Variants in MAGI2 observed in about 807,000 individuals in gnomAD.
The protein encoded by MAGI2 is membrane associated guanylate kinase, WW and PDZ domain containing 2.
In MAGI2, 35 loss-of-function variants were observed where a neutral mutation model predicts 133.3. The ratio of observed to expected loss-of-function variants is 0.26; its 90% CI spans 0.20 to 0.35. The LOEUF is 0.35. Ranked by LOEUF, MAGI2 falls within the 10% of genes least tolerant of loss-of-function variation. The pLI is 1.00. For synonymous variants in MAGI2, 729 were observed against 710.6 expected (o/e 1.03, Z -0.41); for missense variants, 1,636 against 1,863.4 (o/e 0.88, Z 2.25).
At chr7:78,882,104 A>AAAAAAAAAAAAAAG (rs1795913396) in intron 2 of MAGI2, among the ~76,000 whole-genome samples, 1 of 126,540 alleles carries the variant, frequency 7.9e-6, no homozygotes, top group Non-Finnish European at 1.7e-5. Context: ...AAAAAAAAAA[A>AAAAAAAAAAAAAAG]AAAAGAAAAG....
chr7:78,616,552 G>T (rs1027399401), intron 3 of MAGI2: 3 of 151,580 alleles, frequency 2.0e-5, no homozygotes, highest in Non-Finnish European at 4.4e-5. Flanking sequence ...CACACTATGG[G>T]AATGGCCATA....
chr7:78,468,253 A>G (rs1255835423), intron 6 of MAGI2, among the ~76,000 whole-genome samples: 1 of 152,154 alleles, frequency 6.6e-6, no homozygotes, highest in Non-Finnish European at 1.5e-5. Context: ...CCTGACACAT[A>G]GTAGAGAAAT....
chr7:79,045,224 G>A (rs1812064229), intron 1 of MAGI2, among the ~76,000 whole-genome samples: 1 of 152,176 alleles, frequency 6.6e-6, no homozygotes, highest in Non-Finnish European at 1.5e-5. Flanking sequence ...GGGTGAGGAT[G>A]AGGTTTTCCT....
chr7:79,028,549 T>C (rs1479254630), intron 1 of MAGI2, among the ~76,000 whole-genome samples: 3 of 151,898 alleles, frequency 2.0e-5, no homozygotes, highest in Non-Finnish European at 4.4e-5. Context: ...CTTACCTTTA[T>C]ACAGAACGTT....
intron 1 of MAGI2, among the ~76,000 whole-genome samples, chr7:79,033,438 C>T (rs1490479758): frequency 2.0e-5 from 3 of 152,142 alleles, no homozygotes; most frequent in African/African-American, 4.8e-5. Context: ...TCAGAATAAA[C>T]ATTTTATATG....
At chr7:78,831,276 T>A (rs891744293) in intron 2 of MAGI2, among the ~76,000 whole-genome samples, 11 of 152,216 alleles carry the variant, frequency 7.2e-5, no homozygotes, top group African/African-American at 2.4e-4. Flanking sequence ...GATTTCCACA[T>A]ACTATTGGTC....
chr7:78,021,511 T>C (rs1433152205), intron 21 of MAGI2, among the ~76,000 whole-genome samples: 1 of 152,236 alleles, frequency 6.6e-6, no homozygotes, highest in African/African-American at 2.4e-5. Context: ...GTTTGAAACT[T>C]GAGGGTTCTT....
chr7:78,209,567 T>C (rs1787566366), intron 10 of MAGI2, among the ~76,000 whole-genome samples: 1 of 152,020 alleles, frequency 6.6e-6, no homozygotes, highest in South Asian at 2.1e-4. Context: ...GGCCTGAAAG[T>C]CATTCTTAAC....
At chr7:78,340,335 G>C (rs1562852660) in intron 9 of MAGI2, among the ~76,000 whole-genome samples, 1 of 152,074 alleles carries the variant, frequency 6.6e-6, no homozygotes, top group Non-Finnish European at 1.5e-5. Context: ...ACCAAAAAAT[G>C]TCCAGGACCA....
chr7:79,170,232 T>A (rs1169909450), intron 1 of MAGI2, among the ~76,000 whole-genome samples: 1 of 145,674 alleles, frequency 6.9e-6, no homozygotes, highest in African/African-American at 2.5e-5. Flanking sequence ...CACTGTAACC[T>A]TAACCTCCTG....
intron 2 of MAGI2, among the ~76,000 whole-genome samples, chr7:78,919,063 A>T (rs1799023751): frequency 1.3e-5 from 2 of 152,158 alleles, no homozygotes; most frequent in South Asian, 4.1e-4. Context: ...TAAATTGGAC[A>T]GGTTAAATAA....
intron 6 of MAGI2, among the ~76,000 whole-genome samples, chr7:78,416,037 T>A (rs954074542): frequency 1.4e-4 from 21 of 151,836 alleles, no homozygotes; most frequent in Non-Finnish European, 3.1e-4. Context: ...ACTGTACAGG[T>A]TGGGTAAAAG....
At chr7:78,524,279 T>TG (rs1454518969) in intron 3 of MAGI2, among the ~76,000 whole-genome samples, 1 of 152,200 alleles carries the variant, frequency 6.6e-6, no homozygotes, top group African/African-American at 2.4e-5. Context: ...GGCCTTGGAA[T>TG]GCTGGCAGGT....
chr7:78,797,760 G>A (rs1787732807), intron 2 of MAGI2, among the ~76,000 whole-genome samples: 1 of 152,138 alleles, frequency 6.6e-6, no homozygotes, highest in Non-Finnish European at 1.5e-5. Flanking sequence ...CAACTGCCAA[G>A]CCCAATGGAT....
At chr7:79,090,703 A>G (rs1458974715) in intron 1 of MAGI2, among the ~76,000 whole-genome samples, 1 of 152,216 alleles carries the variant, frequency 6.6e-6, no homozygotes. Flanking sequence ...CTGATAGATG[A>G]CAATGCCATA....
At chr7:79,028,241 ATATATATATATATATATATATATATATG>A (rs1810125884) in intron 1 of MAGI2, among the ~76,000 whole-genome samples, 1 of 41,622 alleles carries the variant, frequency 2.4e-5, no homozygotes, top group Admixed American at 2.5e-4. Flanking sequence ...GTATGTATAT[ATATATATATATATATATATATATATATG>A]TATGTATGTA....
In MAGI2 at chr7:78,590,954, C is replaced by T. The variant is rs1276824306; in HGVS notation, c.538+36166G>A. On this transcript the variant is annotated intron_variant, in intron 3 of 21. Coordinates refer to ENST00000354212, the MANE Select transcript of MAGI2 (RefSeq NM_012301.4). ...GATGAATGGTACTTAGATTGCAATA[C>T]ACTAGCCAAATAGCAGTCTCTGTCA... 2.6e-5 allele frequency among the ~76,000 whole-genome samples: 4 copies of T among 152,262 alleles called. No homozygotes were observed. In the East Asian group the frequency reaches 7.7e-4, roughly 29 times the overall value.
At chr7:78,356,299 T>C (rs1013001158) in intron 7 of MAGI2, among the ~76,000 whole-genome samples, 1 of 152,194 alleles carries the variant, frequency 6.6e-6, no homozygotes, top group African/African-American at 2.4e-5. Context: ...CTGCATGTTG[T>C]AGGCCAGGTT....
Position 78,972,231 on chromosome 7 carries a change from T to A in MAGI2, c.418+34859A>T, listed in dbSNP as rs184043505. 3.9e-5 allele frequency among the ~76,000 whole-genome samples: 6 copies of A among 152,036 alleles called. No individual in the cohort carries two copies. The East Asian group carries it at 1.2e-3, about 29-fold the overall frequency. On this transcript the variant is annotated intron_variant, in intron 2 of 21. Coordinates refer to ENST00000354212, the MANE Select transcript of MAGI2 (RefSeq NM_012301.4). ...GATTTAAAAAATGCATGAATTCCTATAACCTGCTAAAATATACTTCTCTAA... is the reference window on the plus strand; with the variant it reads ...GATTTAAAAAATGCATGAATTCCTAAAACCTGCTAAAATATACTTCTCTAA...
Sources: allele counts gnomAD v4.1 joint callset (sites outside exome capture counted in the v4.1 genomes callset), GRCh38; gene constraint gnomAD v4.1.1; transcripts MANE v1.5; gene names NCBI Gene and HGNC (gene_info 2026-07-23, HGNC 2026-07-21).